The following ZCCHC7 variants were observed in gnomAD, a reference collection of about 807,000 sequenced individuals.
ZCCHC7 encodes zinc finger CCHC-type containing 7, also known as zinc finger CCHC domain-containing protein 7.
In ZCCHC7, 35 loss-of-function variants were observed where a neutral mutation model predicts 52.0. That is an observed-to-expected ratio of 0.67 (90% CI 0.51 to 0.89). The LOEUF (loss-of-function observed/expected upper bound fraction) is 0.89, where lower values mean the gene tolerates loss of function less well. Ranked by LOEUF, ZCCHC7 falls within the 40% of genes least tolerant of loss-of-function variation. The pLI is 0.00. For missense variants in ZCCHC7, 574 were observed against 649.1 expected (o/e 0.88, Z 1.26); for synonymous variants, 217 against 221.5 (o/e 0.98, Z 0.18).
At chr9:37,284,741 A>G (rs572836331) in intron 2 of ZCCHC7, among the ~76,000 whole-genome samples, 8 of 152,312 alleles carry the variant, frequency 5.3e-5, no homozygotes, top group Non-Finnish European at 1.2e-4. Flanking sequence ...TCCGTAATTC[A>G]TGTGTATTTA....
intron 2 of ZCCHC7, among the ~76,000 whole-genome samples, chr9:37,152,391 C>T (rs938278399): frequency 6.6e-6 from 1 of 152,178 alleles, no homozygotes; most frequent in Non-Finnish European, 1.5e-5. Flanking sequence ...TCAATATTAA[C>T]GACTTATTAA....
chr9:37,242,555 C>T (rs1266578068), intron 2 of ZCCHC7, among the ~76,000 whole-genome samples: 1 of 151,762 alleles, frequency 6.6e-6, no homozygotes, highest in Non-Finnish European at 1.5e-5. Context: ...ATACCAAGTA[C>T]TTATATCAGA....
intron 1 of ZCCHC7, among the ~76,000 whole-genome samples, chr9:37,123,220 T>TGC (rs1276350004): frequency 8.1e-5 from 10 of 123,322 alleles, no homozygotes; most frequent in East Asian, 4.1e-4. Context: ...TGTGTGTGTG[T>TGC]GTGTGCGTGT....
intron 2 of ZCCHC7, among the ~76,000 whole-genome samples, chr9:37,245,294 T>C (rs186637000): frequency 6.6e-6 from 1 of 152,134 alleles, no homozygotes; most frequent in Admixed American, 6.5e-5. Context: ...GTAACTCTTC[T>C]TTAATGTTCA....
intron 2 of ZCCHC7, among the ~76,000 whole-genome samples, chr9:37,191,801 T>C (rs905835585): frequency 6.6e-6 from 1 of 152,254 alleles, no homozygotes; most frequent in African/African-American, 2.4e-5. Context: ...ACCTGCTCTT[T>C]GTAGCAGTCT....
At chr9:37,185,905 A>G (rs1564165203) in intron 2 of ZCCHC7, among the ~76,000 whole-genome samples, 2 of 152,138 alleles carry the variant, frequency 1.3e-5, no homozygotes, top group Admixed American at 1.3e-4. Context: ...TATCAGGAAT[A>G]TCTGTTCATT....
At chr9:37,275,605 C>A (rs1827646466) in intron 2 of ZCCHC7, among the ~76,000 whole-genome samples, 2 of 152,032 alleles carry the variant, frequency 1.3e-5, no homozygotes, top group African/African-American at 4.8e-5. Context: ...GTATGTTTAT[C>A]TTCCACTTTA....
intron 2 of ZCCHC7, among the ~76,000 whole-genome samples, chr9:37,168,759 T>C (rs563823078): frequency 6.6e-6 from 1 of 151,962 alleles, no homozygotes; most frequent in African/African-American, 2.4e-5. Flanking sequence ...CAGTACATAT[T>C]TGAGGAGTAG....
chr9:37,219,973 G>A (rs1473642866), intron 2 of ZCCHC7, among the ~76,000 whole-genome samples: 1 of 152,218 alleles, frequency 6.6e-6, no homozygotes, highest in Non-Finnish European at 1.5e-5. Context: ...GAGTCCATGG[G>A]AGAAGTGAAA....
chr9:37,145,333 AAC>A (rs1288995579), intron 2 of ZCCHC7, among the ~76,000 whole-genome samples: 3 of 151,942 alleles, frequency 2.0e-5, no homozygotes, highest in South Asian at 2.1e-4. Flanking sequence ...TAATCTGAAA[AAC>A]AGACTGTCTT....
At chr9:37,339,051 A>G (rs537889485) in intron 6 of ZCCHC7, among the ~76,000 whole-genome samples, 4 of 152,314 alleles carry the variant, frequency 2.6e-5, no homozygotes, top group African/African-American at 9.6e-5. Context: ...GTTTTTTAAC[A>G]CATAAAAGTA....
chr9:37,284,081 GCT>G (rs906793327), intron 2 of ZCCHC7: 1 of 152,008 alleles, frequency 6.6e-6, no homozygotes, highest in Non-Finnish European at 1.5e-5. Context: ...AGAGTGACAG[GCT>G]CTATTTAAAG....
At chr9:37,267,548 A>T (rs1827167739) in intron 2 of ZCCHC7, among the ~76,000 whole-genome samples, 1 of 146,790 alleles carries the variant, frequency 6.8e-6, no homozygotes, top group African/African-American at 2.5e-5. Context: ...TGGGACTACC[A>T]TGCACGGCTA....
intron 2 of ZCCHC7, among the ~76,000 whole-genome samples, chr9:37,199,321 TTTC>T (rs1384234284): frequency 1.3e-5 from 2 of 148,296 alleles, no homozygotes; most frequent in Non-Finnish European, 3.0e-5. Flanking sequence ...TTTTCTTTTC[TTTC>T]TTCTTTTTTT....
intron 6 of ZCCHC7, among the ~76,000 whole-genome samples, chr9:37,335,815 T>C (rs902119484): frequency 1.3e-5 from 2 of 152,208 alleles, no homozygotes; most frequent in Non-Finnish European, 2.9e-5. Context: ...CCATTTAGGC[T>C]ACTTCCTTTC....
At chr9:37,230,647 A>AAT (rs1186139862) in intron 2 of ZCCHC7, among the ~76,000 whole-genome samples, 2 of 152,234 alleles carry the variant, frequency 1.3e-5, no homozygotes, top group South Asian at 4.2e-4. Flanking sequence ...TCTCCATTGG[A>AAT]ATATAAGCAC....
chr9:37,122,402 A>G (rs1399256468), intron 1 of ZCCHC7, among the ~76,000 whole-genome samples: 1 of 152,236 alleles, frequency 6.6e-6, no homozygotes, highest in Non-Finnish European at 1.5e-5. Context: ...GATGTTATAT[A>G]GGAAACATCT....
At chr9:37,134,969 C>A (rs1004125383) in intron 2 of ZCCHC7, among the ~76,000 whole-genome samples, 24 of 152,112 alleles carry the variant, frequency 1.6e-4, no homozygotes, top group Non-Finnish European at 2.9e-5. Context: ...TCAGGTGATC[C>A]ACCCACCTCG....
chr9:37,316,591 C>T (rs1051708081), intron 5 of ZCCHC7, among the ~76,000 whole-genome samples: 10 of 151,920 alleles, frequency 6.6e-5, no homozygotes, highest in African/African-American at 2.4e-4. Context: ...TCCCAAAGTG[C>T]TGGGATTACA....
Sources: allele counts gnomAD v4.1 joint callset (sites outside exome capture counted in the v4.1 genomes callset), GRCh38; gene constraint gnomAD v4.1.1; transcripts MANE v1.5; gene names NCBI Gene and HGNC (gene_info 2026-07-23, HGNC 2026-07-21).